Variants in FAT3 observed in about 807,000 individuals in gnomAD.
FAT3 encodes the protein FAT atypical cadherin 3.
In FAT3, 95 loss-of-function variants were observed where a neutral mutation model predicts 310.2. That is an observed-to-expected ratio of 0.31 (90% CI 0.26 to 0.36). The LOEUF (loss-of-function observed/expected upper bound fraction) is 0.36. FAT3 is among the 10% of genes least tolerant of loss of function. The pLI, the probability that FAT3 is intolerant of heterozygous loss-of-function variation, is 1.00. For missense variants in FAT3, 5,408 were observed against 5,715.6 expected (o/e 0.95, Z 1.74); for synonymous variants, 2,314 against 2,192.9 (o/e 1.06, Z -1.54).
intron 1 of FAT3, among the ~76,000 whole-genome samples, chr11:92,336,704 A>T (rs1948094497): frequency 6.6e-6 from 1 of 152,226 alleles, no homozygotes; most frequent in Non-Finnish European, 1.5e-5. Flanking sequence ...ATAAAACCAA[A>T]TAACCAGAAG....
intron 4 of FAT3, among the ~76,000 whole-genome samples, chr11:92,732,885 G>C (rs1483625457): frequency 6.6e-6 from 1 of 152,190 alleles, no homozygotes; most frequent in Non-Finnish European, 1.5e-5. Context: ...AGACATCACA[G>C]AGCAGGTGTG....
At chr11:92,627,282 A>G (rs1481247769) in intron 3 of FAT3, among the ~76,000 whole-genome samples, 1 of 152,204 alleles carries the variant, frequency 6.6e-6, no homozygotes, top group African/African-American at 2.4e-5. Context: ...AAATAAGGTC[A>G]ATAGCTTGAT....
At chr11:92,618,007 A>T in intron 3 of FAT3, among the ~76,000 whole-genome samples, 1 of 152,178 alleles carries the variant, frequency 6.6e-6, no homozygotes, top group East Asian at 1.9e-4. Context: ...CTCTCTTCAA[A>T]GCTATCAGAC....
At chr11:92,641,702 C>G (rs559725382) in intron 3 of FAT3, among the ~76,000 whole-genome samples, 1 of 152,338 alleles carries the variant, frequency 6.6e-6, no homozygotes, top group East Asian at 1.9e-4. Flanking sequence ...CTAATTATAT[C>G]TACAAAGATC....
chr11:92,530,093 G>C (rs1359989878), intron 3 of FAT3, among the ~76,000 whole-genome samples: 1 of 152,016 alleles, frequency 6.6e-6, no homozygotes, highest in Non-Finnish European at 1.5e-5. Context: ...TTAAAATATT[G>C]GATGTCTTTA....
chr11:92,873,164 C>T (rs1198000624), intron 22 of FAT3, among the ~76,000 whole-genome samples: 6 of 152,096 alleles, frequency 3.9e-5, no homozygotes, highest in Non-Finnish European at 5.9e-5. Flanking sequence ...TTATTGTTCC[C>T]GATGAAGTGA....
rs137949080 is a variant in FAT3 at position 92,457,697 on chromosome 11, G to A, written c.3293-66937G>A. ...AGCACTTTGGGAGGCTGAGGCGGGC[G>A]GATCGCCTGAGGTCAGGAGTTCCAC... On this transcript the variant is annotated intron_variant, in intron 2 of 27. Coordinates refer to ENST00000525166, the MANE Select transcript of FAT3 (RefSeq NM_001367949.2). Among the ~76,000 whole-genome samples the A allele has an allele frequency of 4.1e-3, 620 of 152,204 alleles. 8 individuals carry two copies. Among genetic ancestry groups the A allele is most frequent in the African/African-American group, 0.014 (588 of 41,534 alleles).
At chr11:92,260,969 G>A (rs980283660) in intron 1 of FAT3, among the ~76,000 whole-genome samples, 3 of 152,072 alleles carry the variant, frequency 2.0e-5, no homozygotes, top group Non-Finnish European at 2.9e-5. Context: ...AATAGCTGGG[G>A]AAAAATTGTT....
At chr11:92,452,295 G>A (rs542741690) in intron 2 of FAT3, among the ~76,000 whole-genome samples, 4 of 152,318 alleles carry the variant, frequency 2.6e-5, no homozygotes, top group Non-Finnish European at 4.4e-5. Context: ...AAGTATGCAA[G>A]TGATAGTATC....
intron 22 of FAT3, among the ~76,000 whole-genome samples, chr11:92,877,396 G>C (rs1424128931): frequency 6.6e-6 from 1 of 152,180 alleles, no homozygotes; most frequent in Non-Finnish European, 1.5e-5. Context: ...CCCCAATGCT[G>C]TGACGAGGCC....
intron 2 of FAT3, among the ~76,000 whole-genome samples, chr11:92,465,856 A>T: frequency 6.6e-6 from 1 of 152,312 alleles, no homozygotes; most frequent in East Asian, 1.9e-4. Context: ...TAATAAAAAA[A>T]AATGCCTTTA....
intron 7 of FAT3, among the ~76,000 whole-genome samples, chr11:92,779,233 A>G (rs1488157405): frequency 9.9e-5 from 15 of 152,180 alleles, no homozygotes; most frequent in Non-Finnish European, 2.9e-5. Flanking sequence ...CGTCCCTCCA[A>G]ACATAAAGTA....
intron 2 of FAT3, among the ~76,000 whole-genome samples, chr11:92,463,626 A>G (rs1351254400): frequency 1.4e-4 from 22 of 152,188 alleles, no homozygotes; most frequent in Admixed American, 1.4e-3. Context: ...TGGGGAGTTT[A>G]TTAAAAACAC....
At chr11:92,665,467 G>T (rs1363552394) in intron 3 of FAT3, among the ~76,000 whole-genome samples, 1 of 152,132 alleles carries the variant, frequency 6.6e-6, no homozygotes, top group South Asian at 2.1e-4. Context: ...ATTCAAAATA[G>T]GAAAGACTAG....
At chr11:92,379,018 A>C (rs1949422725) in intron 2 of FAT3, among the ~76,000 whole-genome samples, 1 of 152,186 alleles carries the variant, frequency 6.6e-6, no homozygotes, top group Non-Finnish European at 1.5e-5. Flanking sequence ...ATTTGGGTGC[A>C]CAAAACGTTC....
intron 1 of FAT3, among the ~76,000 whole-genome samples, chr11:92,274,188 C>T (rs912966618): frequency 1.3e-5 from 2 of 152,054 alleles, no homozygotes; most frequent in Non-Finnish European, 2.9e-5. Context: ...GTTCTTTCTT[C>T]ACTGTTTTCT....
At chr11:92,338,161 A>G (rs373949544) in intron 1 of FAT3, among the ~76,000 whole-genome samples, 1 of 152,174 alleles carries the variant, frequency 6.6e-6, no homozygotes, top group Non-Finnish European at 1.5e-5. Context: ...TGCCCTAAAC[A>G]TCTGCTGTGG....
At chr11:92,403,670 G>A (rs577228780) in intron 2 of FAT3, among the ~76,000 whole-genome samples, 15 of 152,248 alleles carry the variant, frequency 9.9e-5, no homozygotes, top group African/African-American at 3.6e-4. Flanking sequence ...CCAGGGCGGG[G>A]GAATGTGTAG....
At chr11:92,702,113 C>T (rs960133235) in intron 4 of FAT3, among the ~76,000 whole-genome samples, 1 of 152,148 alleles carries the variant, frequency 6.6e-6, no homozygotes, top group Non-Finnish European at 1.5e-5. Flanking sequence ...GATAACAATT[C>T]CTACCATAGG....
Sources: gnomAD v4.1 joint callset for allele counts (sites outside exome capture counted in the v4.1 genomes callset) on GRCh38, gnomAD v4.1.1 for gene constraint, MANE v1.5 for transcripts, NCBI Gene and HGNC (gene_info 2026-07-23, HGNC 2026-07-21) for gene names.